Variants in COXFA4L3 observed in about 807,000 individuals in gnomAD.
The protein encoded by COXFA4L3 is cytochrome c oxidase associated subunit FA4L3.
At chr15:45,430,848 A>T in the COXFA4L3 span, 1 of 1,607,664 alleles carries the variant, frequency 6.2e-7, no homozygotes, top group Non-Finnish European at 8.5e-7. Flanking sequence ...TTTTAAAAAC[A>T]ATTGAAAATC....
At chr15:45,432,965 AC>A in the COXFA4L3 span, 1 of 1,613,720 alleles carries the variant, frequency 6.2e-7, no homozygotes, top group Non-Finnish European at 8.5e-7. Flanking sequence ...CAATCAACCA[AC>A]AATGGAAACC....
the COXFA4L3 span, chr15:45,431,997 A>AG: frequency 1.5e-6 from 2 of 1,304,220 alleles, no homozygotes; most frequent in Non-Finnish European, 2.2e-6. Context: ...TGTCCCTAAC[A>AG]TGTTTATAAA....
chr15:45,433,047 C>T, the COXFA4L3 span: 2 of 1,578,406 alleles, frequency 1.3e-6, no homozygotes, highest in Non-Finnish European at 1.7e-6. Context: ...CTGAAGAGTA[C>T]TCTATAAATC....
chr15:45,431,936 C>G, the COXFA4L3 span: 1 of 696,046 alleles, frequency 1.4e-6, no homozygotes, highest in African/African-American at 1.8e-5. Flanking sequence ...TTAGTTGCTA[C>G]TGATGGTTCC....
At chr15:45,433,016 A>G in the COXFA4L3 span, 144 of 1,613,152 alleles carry the variant, frequency 8.9e-5, 1 homozygote, top group East Asian at 3.1e-3. Context: ...TGACCAAATG[A>G]CGAGCCCTCG....
At chr15:45,431,154 A>G in the COXFA4L3 span, 1,987 of 1,358,262 alleles carry the variant, frequency 1.5e-3, 2 homozygotes, top group Admixed American at 1.9e-3. Context: ...TATGAAATGT[A>G]TAAGTTTCCT....
chr15:45,432,380 A>G, the COXFA4L3 span, among the ~76,000 whole-genome samples: 1 of 152,246 alleles, frequency 6.6e-6, no homozygotes, highest in South Asian at 2.1e-4. Context: ...AAATCTGGAT[A>G]CCGGCCAGGC....
At chr15:45,432,134 T>C in the COXFA4L3 span, 1 of 1,611,154 alleles carries the variant, frequency 6.2e-7, no homozygotes, top group Non-Finnish European at 8.5e-7. Flanking sequence ...CCTCAAAAGG[T>C]ATTGTTAAAT....
the COXFA4L3 span, chr15:45,431,988 G>C: frequency 8.4e-7 from 1 of 1,184,742 alleles, no homozygotes; most frequent in Non-Finnish European, 1.2e-6. Context: ...GACTGGTTTT[G>C]TCCCTAACAT....
chr15:45,432,941 T>C, the COXFA4L3 span: 27,858 of 1,594,412 alleles, frequency 0.017, 3,805 homozygotes, highest in African/African-American at 0.31. Flanking sequence ...TCCTTTTTTC[T>C]CTTCAGCTTA....
chr15:45,431,989 T>C, the COXFA4L3 span: 1 of 1,203,354 alleles, frequency 8.3e-7, no homozygotes, highest in East Asian at 2.4e-5. Context: ...ACTGGTTTTG[T>C]CCCTAACATG....
chr15:45,432,200 G>T, the COXFA4L3 span: 35 of 1,243,714 alleles, frequency 2.8e-5, no homozygotes, highest in Non-Finnish European at 4.0e-5. Flanking sequence ...GAGCAAAATA[G>T]ATTTAGTACC....
chr15:45,432,101 G>C, the COXFA4L3 span: 1 of 1,613,408 alleles, frequency 6.2e-7, no homozygotes, highest in Non-Finnish European at 8.5e-7. Flanking sequence ...CCAGAACCTT[G>C]GGAAACTGTG....
the COXFA4L3 span, chr15:45,430,723 G>T: frequency 6.8e-7 from 1 of 1,474,726 alleles, no homozygotes; most frequent in South Asian, 1.2e-5. Context: ...GCGGTGGACG[G>T]TTTGGCGCCC....
the COXFA4L3 span, chr15:45,431,028 G>A: frequency 2.5e-6 from 4 of 1,614,142 alleles, no homozygotes; most frequent in Non-Finnish European, 3.4e-6. Context: ...GTTCATGACT[G>A]TGGCGGCGGG....
At chr15:45,432,569 G>A in the COXFA4L3 span, among the ~76,000 whole-genome samples, 9 of 152,126 alleles carry the variant, frequency 5.9e-5, no homozygotes, top group African/African-American at 2.2e-4. Flanking sequence ...AGAGGCTGAG[G>A]CACGAAAATT....
the COXFA4L3 span, chr15:45,431,157 A>T: frequency 1.5e-6 from 2 of 1,347,636 alleles, no homozygotes; most frequent in Non-Finnish European, 2.1e-6. Context: ...GAAATGTATA[A>T]GTTTCCTATT....
chr15:45,430,857 T>A, the COXFA4L3 span: 2 of 1,603,110 alleles, frequency 1.2e-6, no homozygotes, highest in Non-Finnish European at 1.7e-6. Context: ...CAATTGAAAA[T>A]CTTGACTAAA....
At chr15:45,432,009 C>T in the COXFA4L3 span, 1 of 1,407,916 alleles carries the variant, frequency 7.1e-7, no homozygotes, top group Non-Finnish European at 1.0e-6. Context: ...GTTTATAAAC[C>T]CAGTATCAGT....
Sources: allele counts gnomAD v4.1 joint callset (sites outside exome capture counted in the v4.1 genomes callset), GRCh38; gene constraint gnomAD v4.1.1; transcripts MANE v1.5; gene names NCBI Gene and HGNC (gene_info 2026-07-23, HGNC 2026-07-21).